Variants in LAIR1 observed in about 807,000 individuals in gnomAD.
LAIR1 encodes leukocyte-associated immunoglobulin-like receptor 1.
A neutral mutation model predicts 32.8 loss-of-function variants in LAIR1; 24 were observed. The ratio of observed to expected loss-of-function variants is 0.73; its 90% confidence interval spans 0.53 to 1.03. The LOEUF (loss-of-function observed/expected upper bound fraction) is 1.03, where lower values mean the gene tolerates loss of function less well. Ranked by LOEUF, LAIR1 falls within the 50% of genes least tolerant of loss-of-function variation. The pLI is 0.00. For synonymous variants in LAIR1, 150 were observed against 140.5 expected, an observed-to-expected ratio of 1.07 and a Z score of -0.48; for missense variants, 355 against 347.5, an observed-to-expected ratio of 1.02 and a Z score of -0.17.
chr19:54,375,221 C>G (rs1368071768), upstream of LAIR1, among the ~76,000 whole-genome samples: 1 of 152,120 alleles, frequency 6.6e-6, no homozygotes, highest in African/African-American at 2.4e-5. Context: ...AGACATGGGC[C>G]CAGGGAGAGA....
rs755551634 is a variant in LAIR1, at chr19:54,360,936, T to A, written c.344A>T (p.Tyr115Phe). ...KPPKWSEQSD[Y>F]LELLVKESSG... is the part of the protein sequence containing the mutation. ...CTCACCTTTCACCAGCAGCTCCAGG[T>A]AGTCACTCTGCTCAGACCATTTAGG... The change falls in exon 3 of 10, where the codon TAC (tyrosine) becomes TTC (phenylalanine). Residue 115 changes from tyrosine (Y) to phenylalanine (F), a missense_variant. Transcript: ENST00000391742. 8.7e-6 allele frequency: 14 copies of A among 1,613,190 alleles called. No homozygotes were observed. Among genetic ancestry groups the A allele is most frequent in the Non-Finnish European group, 9.3e-6 (11 of 1,179,298 alleles).
upstream of LAIR1, among the ~76,000 whole-genome samples, chr19:54,367,767 A>AT (rs774147516): frequency 0.23 from 30,384 of 129,408 alleles, 4,681 homozygotes; most frequent in East Asian, 0.56. Context: ...ATTTTTTTTA[A>AT]TTTTTTTTTT....
intron 4 of LAIR1, 91 bp from the exon 5 acceptor site, chr19:54,357,057 C>G: frequency 1.6e-6 from 2 of 1,217,932 alleles, no homozygotes; most frequent in Admixed American, 2.0e-5. Context: ...GTGGGGATCT[C>G]CCTTCACTCC....
rs2081617271 is a variant in LAIR1 at position 54,354,577 on chromosome 19, G to GT, written c.*690dup. 6.6e-6 allele frequency: 1 copy of GT among 152,190 alleles called. No homozygotes were observed. The highest frequency in any genetic ancestry group is 2.1e-4 in the South Asian group (1 of 4,838). The allele number at this position is 152,190 out of a possible 1,614,324, so 9.4% of individuals were successfully genotyped here. On this transcript the variant is annotated 3_prime_UTR_variant, in exon 10 of 10. Transcript: ENST00000391742. The stretch of plus-strand genomic sequence containing the variant: ...AAAAAGAAAACGCTGACACGTTTTC[G>GT]TAAGTCCTGTTTCCCTCACTCAGCT...
At chr19:54,375,392 G>A (rs1397746107), upstream of LAIR1, among the ~76,000 whole-genome samples, 14 of 152,198 alleles carry the variant, frequency 9.2e-5, no homozygotes, top group Non-Finnish European at 1.8e-4. Context: ...GGTGCGCAGA[G>A]ACTCAGTCCC....
rs2081651292 is a variant in LAIR1 at position 54,355,480 on chromosome 19, G to A, written c.718-66C>T. The A allele has an allele frequency of 2.1e-6, 3 of 1,439,356 alleles. No individual in the cohort carries two copies. In the Admixed American group the frequency reaches 6.8e-5, roughly 33 times the overall value. The allele number at this position is 1,439,356 out of a possible 1,614,324, so 89.2% of individuals were successfully genotyped here. On this transcript the variant is annotated intron_variant, in intron 9 of 9. Coordinates refer to ENST00000391742, the MANE Select transcript of LAIR1 (RefSeq NM_002287.6). This position sits in a 1 kb window ranked among gnomAD's most constrained non-coding sequence, Gnocchi z 4.7. ...GGGTGAGACGAGGGGCTGTGGGGAG[G>A]GAGGGCTGTGGCGGCCATCTCCATG... is the stretch of plus-strand genomic sequence containing the variant.
At position 54,353,893 on chromosome 19, in the gene LAIR1, C is replaced by A. The variant is rs1376165360; in HGVS notation, c.*1375G>T. The A allele has an allele frequency of 7.2e-6, 1 of 138,272 alleles. No individual in the cohort carries two copies. The highest frequency in any genetic ancestry group is 1.6e-5 in the Non-Finnish European group (1 of 62,294). The allele number at this position is 138,272 out of a possible 1,614,324, so 8.6% of individuals were successfully genotyped here. A position where few individuals can be genotyped will look rare whatever the true frequency, so the allele number is the denominator to read the frequency against. On this transcript the variant is annotated 3_prime_UTR_variant, in exon 10 of 10. Coordinates refer to ENST00000391742, the MANE Select transcript of LAIR1 (RefSeq NM_002287.6). ...GACTACAGGCACCCACCACCACACC[C>A]GGCTAATTTTTTTGTATTTTTAGTA...
At position 54,355,928 on chromosome 19, in the gene LAIR1, C is replaced by G; in HGVS notation, c.717+26G>C. 6.6e-7 allele frequency: 1 copy of G among 1,516,130 alleles called. No homozygotes were observed. The highest frequency in any genetic ancestry group is 9.2e-7 in the Non-Finnish European group (1 of 1,090,084). The allele number at this position is 1,516,130 out of a possible 1,614,324, so 93.9% of individuals were successfully genotyped here. ...TTTTTAAGCTGCTAAATTTGGGGTACTTTAATAACTAGTAGGAAGGCTCAC... is the reference window on the plus strand; with the variant it reads ...TTTTTAAGCTGCTAAATTTGGGGTAGTTTAATAACTAGTAGGAAGGCTCAC... On this transcript the variant is annotated intron_variant, in intron 9 of 9. Transcript: ENST00000391742. The surrounding 1 kb of genome is among the most constrained non-coding windows in gnomAD (Gnocchi z 4.7).
upstream of LAIR1, among the ~76,000 whole-genome samples, chr19:54,368,928 C>A (rs951557086): frequency 2.6e-5 from 4 of 151,072 alleles, no homozygotes; most frequent in Non-Finnish European, 5.9e-5. Context: ...CTCAGGTGAT[C>A]CGCCCACCTT....
intron 2 of LAIR1, among the ~76,000 whole-genome samples, chr19:54,361,858 T>C (rs1229755718): frequency 6.6e-6 from 1 of 152,228 alleles, no homozygotes; most frequent in Non-Finnish European, 1.5e-5. Flanking sequence ...CTAATTTGCA[T>C]TTCCTTCTTA....
intron 2 of LAIR1, among the ~76,000 whole-genome samples, chr19:54,361,684 G>T (rs1196903741): frequency 7.1e-6 from 1 of 141,118 alleles, no homozygotes; most frequent in Non-Finnish European, 1.6e-5. Flanking sequence ...TGGGACGGGG[G>T]TTGCCAGGCT....
At chr19:54,357,011 T>A in intron 4 of LAIR1, 45 bp from the exon 5 acceptor site, 3 of 1,592,212 alleles carry the variant, frequency 1.9e-6, no homozygotes, top group Non-Finnish European at 1.7e-6. Flanking sequence ...AGTCCTGAGC[T>A]GGACAGAGAA....
upstream of LAIR1, among the ~76,000 whole-genome samples, chr19:54,366,157 A>G (rs2082245697): frequency 6.6e-6 from 1 of 152,082 alleles, no homozygotes; most frequent in Non-Finnish European, 1.5e-5. Context: ...AGGCCTAGAG[A>G]TCTGCTGCAC....
Position 54,364,178 on chromosome 19 carries a change from C to G in LAIR1, c.70+117G>C. 8.3e-7 allele frequency: 1 copy of G among 1,200,846 alleles called. No individual in the cohort carries two copies. 74.4% of individuals were successfully genotyped at this position (1,200,846 alleles called of 1,614,324 possible). A position where few individuals can be genotyped will look rare whatever the true frequency, so the allele number is the denominator to read the frequency against. Reference sequence around the variant, plus strand: ...TTTTACATTTGGAAGAGTTTGCAATCTAGGGTATATTTAAAGGGATCTCTC... The same window carrying G: ...TTTTACATTTGGAAGAGTTTGCAATGTAGGGTATATTTAAAGGGATCTCTC... On this transcript the variant is annotated intron_variant, in intron 2 of 9. Transcript: ENST00000391742. This position sits in a 1 kb window ranked among gnomAD's most constrained non-coding sequence, Gnocchi z 4.8.
At chr19:54,356,826 C>T in intron 5 of LAIR1, 102 bp downstream of exon 5, 1 of 1,442,556 alleles carries the variant, frequency 6.9e-7, no homozygotes, top group Non-Finnish European at 9.6e-7. Flanking sequence ...ACACAGACTG[C>T]CATTGGCAGA....
chr19:54,358,507 C>A, intron 4 of LAIR1: 1 of 1,584,952 alleles, frequency 6.3e-7, no homozygotes, highest in South Asian at 1.1e-5. Flanking sequence ...GTATGGGAAT[C>A]AGTGCATTTC....
At position 54,355,423 on chromosome 19, in the gene LAIR1, G is replaced by C. The variant is rs2122317187; in HGVS notation, c.718-9C>G. The stretch of plus-strand genomic sequence containing the variant: ...CTCCCTGCAGCCAGGGCCTAAGAGG[G>C]AGAGACCCAGGGTGAGGGAGTGCCT... On this transcript the variant is annotated splice_polypyrimidine_tract_variant and intron_variant, in intron 9 of 9. Coordinates refer to ENST00000391742, the MANE Select transcript of LAIR1 (RefSeq NM_002287.6). This position sits in a 1 kb window ranked among gnomAD's most constrained non-coding sequence, Gnocchi z 4.7. 6.3e-7 allele frequency: 1 copy of C among 1,594,446 alleles called. No homozygotes were observed. The highest frequency in any genetic ancestry group is 8.5e-7 in the Non-Finnish European group (1 of 1,170,400).
In LAIR1 at chr19:54,364,425, A is replaced by G. The variant is rs1309927808; in HGVS notation, c.35-95T>C. On this transcript the variant is annotated intron_variant, in intron 1 of 9. Transcript: ENST00000391742. The surrounding 1 kb of genome is among the most constrained non-coding windows in gnomAD (Gnocchi z 4.8). ...GGCTCGATGGAGCTGGGGGGCATTC[A>G]GCATTTCATAACGACCAAGCCAACC... 3 of 1,452,052 alleles carry G rather than the reference A, an allele frequency of 2.1e-6. No homozygotes were observed. The highest frequency in any genetic ancestry group is 1.7e-5 in the Admixed American group (1 of 57,658). The allele number at this position is 1,452,052 out of a possible 1,614,324, so 89.9% of individuals were successfully genotyped here.
chr19:54,360,717 G>A, intron 3 of LAIR1, 199 bp downstream of exon 3: 1 of 598,348 alleles, frequency 1.7e-6, no homozygotes, highest in East Asian at 2.8e-5. Flanking sequence ...GTCCAGAGGA[G>A]ACCAGGGCTC....
Sources: gnomAD v4.1 joint callset for allele counts (sites outside exome capture counted in the v4.1 genomes callset) on GRCh38, gnomAD v4.1.1 for gene constraint, Gnocchi (gnomAD v3.1) non-coding constraint, MANE v1.5 for transcripts, NCBI Gene and HGNC (gene_info 2026-07-23, HGNC 2026-07-21) for gene names.